The following LRRC47 variants were observed in gnomAD, a reference collection of about 807,000 sequenced individuals.
LRRC47 encodes leucine rich repeat containing 47.
A neutral mutation model predicts 40.9 loss-of-function variants in LRRC47; 31 were observed. The ratio of observed to expected loss-of-function variants is 0.76; its 90% CI spans 0.57 to 1.02. The LOEUF (loss-of-function observed/expected upper bound fraction) is 1.02. Among genes scored for constraint, LRRC47 ranks in the 50% least tolerant of loss-of-function variants. LRRC47 has a pLI of 0.00. For missense variants in LRRC47, 726 were observed against 796.1 expected, an observed-to-expected ratio of 0.91 and a Z score of 1.06; for synonymous variants, 427 against 371.9, an observed-to-expected ratio of 1.15 and a Z score of -1.70.
In LRRC47 at chr1:3,784,989, T is replaced by C. The variant is rs1396545673; in HGVS notation, c.1194+98A>G. On this transcript the variant is annotated intron_variant, in intron 3 of 6. Transcript: ENST00000378251. The stretch of plus-strand genomic sequence containing the variant: ...CAGCCTGGGCAACAATGGAACTCCA[T>C]CTCCAAAAAAAAAAAAAGTTCGGGC... 1.4e-5 allele frequency: 11 copies of C among 782,958 alleles called. No homozygotes were observed. In the East Asian group the frequency reaches 3.2e-4, roughly 23 times the overall value. The allele number at this position is 782,958 out of a possible 1,614,324, so 48.5% of individuals were successfully genotyped here. A position where few individuals can be genotyped will look rare whatever the true frequency, so the allele number is the denominator to read the frequency against.
intron 5 of LRRC47, 27 bp from the exon 6 acceptor site, chr1:3,781,628 A>C: frequency 1.3e-6 from 2 of 1,569,756 alleles, no homozygotes; most frequent in Non-Finnish European, 1.7e-6. Context: ...ATTTCAGAAA[A>C]GAACAGTTAT....
chr1:3,786,222 G>C (rs1182475734), intron 2 of LRRC47, among the ~76,000 whole-genome samples: 1 of 152,210 alleles, frequency 6.6e-6, no homozygotes, highest in Non-Finnish European at 1.5e-5. Context: ...GATAGGCCAG[G>C]TGTGGTGGCT....
At chr1:3,790,579 C>CA (rs1173000349) in intron 1 of LRRC47, among the ~76,000 whole-genome samples, 145 of 152,246 alleles carry the variant, frequency 9.5e-4, no homozygotes, top group Admixed American at 9.2e-3. Context: ...CCCCACGGGC[C>CA]ACAGCAGCGG....
In LRRC47 at chr1:3,796,014, G is replaced by A. The variant is rs1380823354; in HGVS notation, c.463C>T (p.Leu155=). Residue 155 remains leucine, a synonymous_variant, in exon 1 of 7, where the codon CTG becomes TTG. Coordinates refer to ENST00000378251, the MANE Select transcript of LRRC47 (RefSeq NM_020710.3). Reference sequence around the variant, plus strand: ...TTGCCGGTGAGGTTGAGGCTCTGCAGGCGCGGGGCGCAGCGCGCCAGGTCG... The same window carrying A: ...TTGCCGGTGAGGTTGAGGCTCTGCAAGCGCGGGGCGCAGCGCGCCAGGTCG... ...PADLARCAPR[L]QSLNLTGNCL... is the part of the protein sequence containing the mutation. 2 of 1,553,318 alleles carry A rather than the reference G, an allele frequency of 1.3e-6. No individual in the cohort carries two copies. Among genetic ancestry groups the A allele is most frequent in the East Asian group, 2.4e-5 (1 of 41,558 alleles).
In LRRC47 at chr1:3,782,775, GAAATAC is replaced by G. The variant is rs1643533531; in HGVS notation, c.1311-18_1311-13del. ...GCAAGTGAAGGTATCTGTATGGGAA[GAAATAC>G]AAATTCCAGGCATAATTATAAAAGA... On this transcript the variant is annotated splice_polypyrimidine_tract_variant and intron_variant, in intron 4 of 6. Transcript: ENST00000378251. 6.8e-7 allele frequency: 1 copy of G among 1,461,190 alleles called. No individual in the cohort carries two copies. The highest frequency in any genetic ancestry group is 1.4e-5 in the African/African-American group (1 of 71,874). The allele number at this position is 1,461,190 out of a possible 1,614,324, so 90.5% of individuals were successfully genotyped here. A position where few individuals can be genotyped will look rare whatever the true frequency, so the allele number is the denominator to read the frequency against.
chr1:3,790,473 C>T (rs34094195), intron 1 of LRRC47, among the ~76,000 whole-genome samples: 8 of 152,184 alleles, frequency 5.3e-5, no homozygotes, highest in Admixed American at 2.6e-4. Flanking sequence ...CATTCCCACA[C>T]GGACACCACA....
At chr1:3,782,009 C>T (rs1161652732) in intron 5 of LRRC47, among the ~76,000 whole-genome samples, 2 of 152,140 alleles carry the variant, frequency 1.3e-5, no homozygotes, top group Non-Finnish European at 2.9e-5. Context: ...TGGCGTCACA[C>T]ACACCAAGCC....
intron 1 of LRRC47, among the ~76,000 whole-genome samples, chr1:3,787,511 C>T (rs1257513462): frequency 1.3e-5 from 2 of 152,196 alleles, no homozygotes; most frequent in Admixed American, 6.5e-5. Flanking sequence ...AGGCACTATC[C>T]GAGGAGCCTC....
chr1:3,785,748 C>CAGAAGAAT (rs1438514026), intron 2 of LRRC47, among the ~76,000 whole-genome samples: 1 of 152,194 alleles, frequency 6.6e-6, no homozygotes, highest in Non-Finnish European at 1.5e-5. Flanking sequence ...AAACAATTCA[C>CAGAAGAAT]AGAAGAATGT....
At chr1:3,793,918 C>T (rs1014615232) in intron 1 of LRRC47, among the ~76,000 whole-genome samples, 7 of 152,100 alleles carry the variant, frequency 4.6e-5, no homozygotes, top group Non-Finnish European at 8.8e-5. Flanking sequence ...AAAACTCGGC[C>T]GGGCGCGGTG....
chr1:3,794,250 T>C (rs1044682124), intron 1 of LRRC47, among the ~76,000 whole-genome samples: 1 of 152,180 alleles, frequency 6.6e-6, no homozygotes, highest in African/African-American at 2.4e-5. Context: ...TGGCTCTACA[T>C]GTGTAAAACT....
chr1:3,786,820 G>C (rs774924237), intron 2 of LRRC47, 29 bp downstream of exon 2: 3 of 1,542,916 alleles, frequency 1.9e-6, no homozygotes, highest in Non-Finnish European at 1.8e-6. Context: ...CTCTGTCCCA[G>C]TCATCTGAGG....
rs1008670546 is a variant in LRRC47, at chr1:3,780,231, T to A, written c.*857A>T. ...TTTACACAAGCCTCGATGGTGCATG[T>A]AGTTTTATTTATGTGTTTTCATCTG... On this transcript the variant is annotated 3_prime_UTR_variant, in exon 7 of 7. Transcript: ENST00000378251. 1 of 152,184 alleles carries A rather than the reference T, an allele frequency of 6.6e-6. No homozygotes were observed. The highest frequency in any genetic ancestry group is 6.5e-5 in the Admixed American group (1 of 15,276). The allele number at this position is 152,184 out of a possible 1,614,324, so 9.4% of individuals were successfully genotyped here.
intron 1 of LRRC47, among the ~76,000 whole-genome samples, chr1:3,791,358 C>CA (rs2124614190): frequency 6.6e-6 from 1 of 152,374 alleles, no homozygotes; most frequent in East Asian, 1.9e-4. Context: ...AGTCTTCCTA[C>CA]AGAGGAGCAA....
intron 1 of LRRC47, 70 bp downstream of exon 1, chr1:3,795,792 C>G: frequency 7.0e-7 from 1 of 1,438,046 alleles, no homozygotes; most frequent in Non-Finnish European, 9.1e-7. Flanking sequence ...CTGCTCGGCC[C>G]CGAGAGGGGT....
At chr1:3,786,530 A>G (rs1160556587) in intron 2 of LRRC47, among the ~76,000 whole-genome samples, 1 of 151,936 alleles carries the variant, frequency 6.6e-6, no homozygotes, top group Non-Finnish European at 1.5e-5. Flanking sequence ...CGTTAACACC[A>G]TATGTGGAGG....
At chr1:3,794,073 T>C (rs1643651575) in intron 1 of LRRC47, among the ~76,000 whole-genome samples, 1 of 152,024 alleles carries the variant, frequency 6.6e-6, no homozygotes, top group African/African-American at 2.4e-5. Context: ...CGGGCGCTTG[T>C]AGTCCCAGCT....
Position 3,796,114 on chromosome 1 carries a change from G to A in LRRC47, c.363C>T (p.Gly121=), listed in dbSNP as rs1426644276. ...GCGGAAGGCCCGGCGGCTCGGCGGG[G>A]CCCAGGCCTTGGCCCGGCGGCAGCG... ...LEALPPGQGL[G]PAEPPGLPQL... The change falls in exon 1 of 7, where the codon GGC becomes GGT. Residue 121 remains glycine, a synonymous_variant. Transcript: ENST00000378251. The A allele has an allele frequency of 2.1e-6, 3 of 1,450,532 alleles. No homozygotes were observed. The highest frequency in any genetic ancestry group is 2.7e-6 in the Non-Finnish European group (3 of 1,110,238). The allele number at this position is 1,450,532 out of a possible 1,614,324, so 89.9% of individuals were successfully genotyped here.
intron 4 of LRRC47, 42 bp downstream of exon 4, chr1:3,783,954 C>T (rs373264626): frequency 6.5e-7 from 1 of 1,527,370 alleles, no homozygotes; most frequent in Non-Finnish European, 8.9e-7. Context: ...GCATGCGGCA[C>T]TCCCCCGGGC....
Sources: gnomAD v4.1 joint callset for allele counts (sites outside exome capture counted in the v4.1 genomes callset) on GRCh38, gnomAD v4.1.1 for gene constraint, MANE v1.5 for transcripts, NCBI Gene and HGNC (gene_info 2026-07-23, HGNC 2026-07-21) for gene names.